The following TP63 variants were observed in gnomAD, a reference collection of about 807,000 sequenced individuals.
TP63 encodes the protein tumor protein p63.
A neutral mutation model predicts 82.8 loss-of-function variants in TP63; 17 were observed. That is an observed-to-expected ratio of 0.21 (90% confidence interval 0.14 to 0.31). The LOEUF (loss-of-function observed/expected upper bound fraction) is 0.31, where lower values mean the gene tolerates loss of function less well. TP63 is among the 10% of genes least tolerant of loss of function. The pLI, the probability that TP63 is intolerant of heterozygous loss-of-function variation, is 1.00. For missense variants in TP63, 648 were observed against 895.3 expected, an observed-to-expected ratio of 0.72 and a Z score of 3.52; for synonymous variants, 330 against 321.7, an observed-to-expected ratio of 1.03 and a Z score of -0.28.
At chr3:189,821,163 G>A (rs965645710) in intron 4 of TP63, among the ~76,000 whole-genome samples, 1 of 152,226 alleles carries the variant, frequency 6.6e-6, no homozygotes, top group East Asian at 1.9e-4. Flanking sequence ...TGTACTAGCA[G>A]TGGTTTTATT....
the TP63 span, among the ~76,000 whole-genome samples, chr3:189,603,792 A>G: frequency 1.3e-5 from 2 of 151,882 alleles, no homozygotes; most frequent in African/African-American, 4.8e-5. Context: ...AAAAGTATAT[A>G]CATCCCTCAA....
intron 1 of TP63, among the ~76,000 whole-genome samples, chr3:189,665,504 A>T (rs562196545): frequency 6.6e-6 from 1 of 152,192 alleles, no homozygotes; most frequent in Admixed American, 6.5e-5. Context: ...GATGAAGTGA[A>T]TGTAATATTT....
the TP63 span, among the ~76,000 whole-genome samples, chr3:189,619,277 C>T: frequency 1.3e-5 from 2 of 152,160 alleles, no homozygotes; most frequent in Non-Finnish European, 2.9e-5. Context: ...TGAAGTAATG[C>T]CTCTGCGATG....
intron 1 of TP63, among the ~76,000 whole-genome samples, chr3:189,642,617 A>G (rs7629983): frequency 0.43 from 65,526 of 151,902 alleles, 14,983 homozygotes; most frequent in East Asian, 0.51. Flanking sequence ...TAAAAATTAA[A>G]TGAGTTAATT....
chr3:189,745,568 G>C (rs947346528), intron 3 of TP63, among the ~76,000 whole-genome samples: 3 of 151,652 alleles, frequency 2.0e-5, no homozygotes, highest in African/African-American at 7.3e-5. Context: ...TTAGCTGGGC[G>C]TGATGGCGCA....
At chr3:189,711,865 C>T (rs1209475060) in intron 1 of TP63, among the ~76,000 whole-genome samples, 9 of 152,054 alleles carry the variant, frequency 5.9e-5, no homozygotes, top group Admixed American at 3.3e-4. Context: ...GAATATAAGG[C>T]GGAGATAGGT....
chr3:189,797,611 C>T (rs1268852803), intron 3 of TP63, among the ~76,000 whole-genome samples: 3 of 151,960 alleles, frequency 2.0e-5, no homozygotes, highest in South Asian at 2.1e-4. Context: ...TGGGGAATGG[C>T]GTGATTACTT....
intron 1 of TP63, among the ~76,000 whole-genome samples, chr3:189,683,818 C>T (rs1041580226): frequency 1.7e-4 from 26 of 152,202 alleles, no homozygotes; most frequent in African/African-American, 5.1e-4. Context: ...CTCTGTCTTG[C>T]ATGACCTGGA....
rs1721368729 is a variant in TP63, at chr3:189,895,049, G to GTA, written c.*548_*549dup. 2 of 220,774 alleles carry GTA rather than the reference G, an allele frequency of 9.1e-6. No homozygotes were observed. Among genetic ancestry groups the GTA allele is most frequent in the Non-Finnish European group, 1.8e-5 (2 of 110,120 alleles). The allele number at this position is 220,774 out of a possible 1,614,324, so 13.7% of individuals were successfully genotyped here. ...AATGCTACATGTGAGTGACGATGATGTACAGATTCTTTCAGTTCTTTGGAT... is the reference window on the plus strand; with the variant it reads ...AATGCTACATGTGAGTGACGATGATGTATACAGATTCTTTCAGTTCTTTGGAT... On this transcript the variant is annotated 3_prime_UTR_variant, in exon 14 of 14. Transcript: ENST00000264731.
intron 1 of TP63, among the ~76,000 whole-genome samples, chr3:189,691,751 T>C (rs1049552410): frequency 5.3e-5 from 8 of 152,234 alleles, no homozygotes; most frequent in Non-Finnish European, 7.3e-5. Context: ...CAGCACTAGA[T>C]GTTTCCTTCT....
intron 3 of TP63, among the ~76,000 whole-genome samples, chr3:189,796,988 T>A (rs920731818): frequency 2.0e-5 from 3 of 152,068 alleles, no homozygotes; most frequent in Non-Finnish European, 4.4e-5. Context: ...AATTTAAAAT[T>A]CAGTCACTGG....
At chr3:189,663,237 A>G (rs1217020250) in intron 1 of TP63, among the ~76,000 whole-genome samples, 2 of 152,074 alleles carry the variant, frequency 1.3e-5, no homozygotes, top group East Asian at 3.9e-4. Flanking sequence ...TCTGTACAAT[A>G]GTGATTATAG....
Position 189,889,343 on chromosome 3 carries a change from C to T in TP63, c.1511C>T (p.Pro504Leu), listed in dbSNP as rs768151007. 1.9e-6 allele frequency: 3 copies of T among 1,614,158 alleles called. No homozygotes were observed. Among genetic ancestry groups the T allele is most frequent in the Non-Finnish European group, 2.5e-6 (3 of 1,180,008 alleles). ...TGTTCCTCCTGCTTCTGTTCAGTTC[C>T]CATGATGGGCACCCACATGCCAATG... The part of the protein sequence containing the change: ...TIPDGMGANI[P>L]MMGTHMPMAG... Residue 504 changes from proline (P) to leucine (L), a missense_variant, in exon 12 of 14, where the codon CCC becomes CTC. Around this residue, in one of 5 missense-constraint regions of TP63, gnomAD observed 342 missense variants for 425.7 expected, o/e 0.80. Coordinates refer to ENST00000264731, the MANE Select transcript of TP63 (RefSeq NM_003722.5).
chr3:189,772,483 CT>C (rs1195084432), intron 3 of TP63, among the ~76,000 whole-genome samples: 2 of 152,206 alleles, frequency 1.3e-5, no homozygotes, highest in Non-Finnish European at 2.9e-5. Flanking sequence ...TACATACCAA[CT>C]TGAGACTAGC....
intron 1 of TP63, among the ~76,000 whole-genome samples, chr3:189,686,651 A>G (rs1716460892): frequency 1.3e-5 from 2 of 151,552 alleles, no homozygotes; most frequent in Admixed American, 6.6e-5. Flanking sequence ...AAAGTTTACA[A>G]ACTTGCCAGA....
intron 1 of TP63, among the ~76,000 whole-genome samples, chr3:189,697,474 G>C (rs889778719): frequency 6.6e-6 from 1 of 151,732 alleles, no homozygotes; most frequent in Non-Finnish European, 1.5e-5. Flanking sequence ...TTGAAACCAG[G>C]TAGAATGAAT....
chr3:189,627,064 T>A (rs1419800110), upstream of TP63, among the ~76,000 whole-genome samples: 1 of 152,140 alleles, frequency 6.6e-6, no homozygotes, highest in Non-Finnish European at 1.5e-5. Flanking sequence ...GTAGGCTACC[T>A]GCTTGAGGTC....
chr3:189,892,999 G>A (rs894610978), intron 13 of TP63, among the ~76,000 whole-genome samples: 9 of 152,012 alleles, frequency 5.9e-5, no homozygotes, highest in African/African-American at 1.7e-4. Flanking sequence ...TTCTTCCTGC[G>A]TATTTCTAGA....
upstream of TP63, among the ~76,000 whole-genome samples, chr3:189,630,579 A>C (rs1367476049): frequency 6.6e-6 from 1 of 152,124 alleles, no homozygotes; most frequent in Non-Finnish European, 1.5e-5. Flanking sequence ...ATAAACTAGA[A>C]TATTTTTATT....
Sources: gnomAD v4.1 joint callset for allele counts (sites outside exome capture counted in the v4.1 genomes callset) on GRCh38, gnomAD v4.1.1 for gene constraint, gnomAD v4.1.1 regional missense constraint, MANE v1.5 for transcripts, NCBI Gene and HGNC (gene_info 2026-07-23, HGNC 2026-07-21) for gene names.